GNG7: variants seen among roughly 807,000 people sequenced by gnomAD.
The protein encoded by GNG7 is guanine nucleotide-binding protein G(I)/G(S)/G(O) subunit gamma-7.
A neutral mutation model predicts 4.0 loss-of-function variants in GNG7; 1 was observed. The ratio of observed to expected loss-of-function variants is 0.25; its 90% confidence interval spans 0.09 to 1.18. The LOEUF (loss-of-function observed/expected upper bound fraction) is 1.18, where lower values mean the gene tolerates loss of function less well. Ranked by LOEUF, GNG7 falls within the 50% of genes most tolerant of loss-of-function variation. The pLI, the probability that GNG7 is intolerant of heterozygous loss-of-function variation, is 0.50. For synonymous variants in GNG7, 34 were observed against 36.9 expected (o/e 0.92, Z 0.29); for missense variants, 86 against 91.9 (o/e 0.94, Z 0.26).
intron 2 of GNG7, among the ~76,000 whole-genome samples, chr19:2,619,264 G>A (rs991659358): frequency 6.6e-6 from 1 of 152,152 alleles, no homozygotes; most frequent in Non-Finnish European, 1.5e-5. Context: ...ACATCTAGCT[G>A]ACTGTGTGTT....
chr19:2,526,628 A>ATT (rs35128057), intron 3 of GNG7, among the ~76,000 whole-genome samples: 63,265 of 148,770 alleles, frequency 0.43, 13,831 homozygotes, highest in African/African-American at 0.54. Flanking sequence ...AGTATTTAGT[A>ATT]TGTATTATAC....
chr19:2,514,970 GAGAGAGAGAGAGAGAA>G lies in GNG7; in HGVS notation c.*36_*51del. 9.6e-6 allele frequency: 3 copies of G among 312,392 alleles called. No homozygotes were observed. The highest frequency in any genetic ancestry group is 1.5e-4 in the South Asian group (2 of 13,764). 19.4% of individuals were successfully genotyped at this position (312,392 alleles called of 1,614,324 possible). A position where few individuals can be genotyped will look rare whatever the true frequency, so the allele number is the denominator to read the frequency against. On this transcript the variant is annotated 3_prime_UTR_variant, in exon 5 of 5. Coordinates refer to ENST00000382159, the MANE Select transcript of GNG7 (RefSeq NM_052847.3). Reference sequence around the variant, plus strand: ...CCTGCCTGAGACAGAGACAGAGACAGAGAGAGAGAGAGAGAAAGAGAGAGAGAGAGAGAGAACATAT... The same window carrying G: ...CCTGCCTGAGACAGAGACAGAGACAGAGAGAGAGAGAGAGAGAGAACATAT...
chr19:2,579,569 G>C (rs1189363245), intron 2 of GNG7, among the ~76,000 whole-genome samples: 1 of 152,248 alleles, frequency 6.6e-6, no homozygotes, highest in African/African-American at 2.4e-5. Flanking sequence ...ATGGTAACAA[G>C]AGGAGGGAGG....
chr19:2,606,884 G>A (rs867120536), intron 2 of GNG7, among the ~76,000 whole-genome samples: 4 of 151,810 alleles, frequency 2.6e-5, no homozygotes, highest in Middle Eastern at 3.4e-3. Flanking sequence ...GTGTTTGCAC[G>A]CAGTGTTCAT....
chr19:2,559,443 C>G (rs1423441513), intron 2 of GNG7, among the ~76,000 whole-genome samples: 1 of 151,200 alleles, frequency 6.6e-6, no homozygotes, highest in Non-Finnish European at 1.5e-5. Context: ...CCTCAGTCTC[C>G]TGGGCTCAAG....
chr19:2,693,613 A>G (rs58387755), intron 1 of GNG7, among the ~76,000 whole-genome samples: 1 of 152,158 alleles, frequency 6.6e-6, no homozygotes, highest in African/African-American at 2.4e-5. Flanking sequence ...GCTCTGGACT[A>G]TTCTCTGGGG....
intron 2 of GNG7, among the ~76,000 whole-genome samples, chr19:2,580,777 T>G (rs1415746103): frequency 6.6e-6 from 1 of 151,802 alleles, no homozygotes; most frequent in Admixed American, 6.6e-5. Flanking sequence ...TTACATTTTT[T>G]TTTTTGAGAC....
intron 1 of GNG7, among the ~76,000 whole-genome samples, chr19:2,672,051 A>AAC (rs1257710916): frequency 1.2e-3 from 2 of 1,640 alleles, no homozygotes; most frequent in African/African-American, 7.8e-3. Context: ...ACTCCGTCTC[A>AAC]AAAAAAAAAA....
At chr19:2,582,793 C>T (rs749605692) in intron 2 of GNG7, among the ~76,000 whole-genome samples, 7 of 151,448 alleles carry the variant, frequency 4.6e-5, no homozygotes, top group Admixed American at 4.0e-4. Context: ...CTCAGCTTCC[C>T]GAGTAGCTAG....
intron 3 of GNG7, among the ~76,000 whole-genome samples, chr19:2,549,203 G>A (rs10425543): frequency 0.24 from 36,406 of 152,058 alleles, 5,240 homozygotes; most frequent in African/African-American, 0.4. Flanking sequence ...ACGGCAAGAA[G>A]GCAAGTCCAG....
intron 2 of GNG7, among the ~76,000 whole-genome samples, chr19:2,601,409 C>T (rs1335377769): frequency 6.6e-6 from 1 of 152,090 alleles, no homozygotes; most frequent in Non-Finnish European, 1.5e-5. Context: ...CCTGCCACGG[C>T]GCGGCTCGTG....
intron 3 of GNG7, chr19:2,538,761 T>C (rs916198194): frequency 2.7e-6 from 1 of 363,736 alleles, no homozygotes; most frequent in Non-Finnish European, 5.3e-6. Context: ...TAGATATATA[T>C]ATTTTTCTTT....
At chr19:2,642,650 G>A in intron 2 of GNG7, 1 of 382,288 alleles carries the variant, frequency 2.6e-6, no homozygotes, top group East Asian at 7.2e-5. Flanking sequence ...ACAGGTGCGT[G>A]CCACCATACC....
chr19:2,582,756 C>T (rs1336273857), intron 2 of GNG7, among the ~76,000 whole-genome samples: 2 of 149,628 alleles, frequency 1.3e-5, no homozygotes, highest in East Asian at 3.9e-4. Context: ...GCAACCTCCA[C>T]CTACCACGTT....
chr19:2,537,748 A>G (rs1978789370), intron 3 of GNG7, among the ~76,000 whole-genome samples: 1 of 151,374 alleles, frequency 6.6e-6, no homozygotes, highest in Non-Finnish European at 1.5e-5. Flanking sequence ...GGACCCGGTT[A>G]CAGTGACTGC....
At chr19:2,652,480 G>A (rs778028544) in intron 1 of GNG7, among the ~76,000 whole-genome samples, 39 of 151,870 alleles carry the variant, frequency 2.6e-4, no homozygotes, top group Non-Finnish European at 5.0e-4. Context: ...TTAGCCGGGC[G>A]TGGTGGTGCA....
intron 2 of GNG7, among the ~76,000 whole-genome samples, chr19:2,573,947 T>C (rs964268667): frequency 1.1e-4 from 17 of 152,228 alleles, no homozygotes; most frequent in Non-Finnish European, 2.1e-4. Flanking sequence ...AGGCACTGCA[T>C]GAATGGGACA....
At chr19:2,701,459 A>G (rs1325914196) in intron 1 of GNG7, among the ~76,000 whole-genome samples, 1 of 49,354 alleles carries the variant, frequency 2.0e-5, no homozygotes, top group African/African-American at 8.6e-5. Context: ...CAAGCTCCCC[A>G]TTTCCCCTGA....
chr19:2,585,770 G>A (rs1007464995), intron 2 of GNG7, among the ~76,000 whole-genome samples: 7 of 151,986 alleles, frequency 4.6e-5, no homozygotes, highest in African/African-American at 7.3e-5. Context: ...GCGCGATCTC[G>A]GCTCACTGTA....
Sources: allele counts gnomAD v4.1 joint callset (sites outside exome capture counted in the v4.1 genomes callset), GRCh38; gene constraint gnomAD v4.1.1; transcripts MANE v1.5; gene names NCBI Gene and HGNC (gene_info 2026-07-23, HGNC 2026-07-21).